Variants in GGT1 observed in about 807,000 individuals in gnomAD.
The protein encoded by GGT1 is gamma-glutamyltransferase 1.
Under a neutral mutation model 56.0 loss-of-function variants are expected in GGT1, and 21 were observed. That is an observed-to-expected ratio of 0.38 (90% CI 0.27 to 0.54). The LOEUF (loss-of-function observed/expected upper bound fraction) is 0.54, where lower values mean the gene tolerates loss of function less well. Among genes scored for constraint, GGT1 ranks in the 20% least tolerant of loss-of-function variants. The pLI, the probability that GGT1 is intolerant of heterozygous loss-of-function variation, is 0.82. For synonymous variants in GGT1, 238 were observed against 342.6 expected (o/e 0.69, Z 3.37); for missense variants, 466 against 787.0 (o/e 0.59, Z 4.88).
intron 7 of GGT1, among the ~76,000 whole-genome samples, chr22:24,616,781 G>A (rs1364412562): frequency 1.3e-5 from 2 of 151,796 alleles, no homozygotes; most frequent in Admixed American, 6.6e-5. Context: ...TCCTGACCTC[G>A]TGATCCCCCG....
At chr22:24,611,775 G>T (rs1312688340) in intron 5 of GGT1, among the ~76,000 whole-genome samples, 2 of 89,002 alleles carry the variant, frequency 2.2e-5, no homozygotes, top group South Asian at 3.7e-4. Context: ...CAACAAATTT[G>T]TGTGTGTGTG....
At chr22:24,594,943 C>T (rs2045668304) in intron 1 of GGT1, 1 of 152,328 alleles carries the variant, frequency 6.6e-6, no homozygotes, top group South Asian at 2.1e-4. Context: ...GCTGGGAGGG[C>T]TCCCAGATCC....
At chr22:24,592,425 T>G (rs920900334), upstream of GGT1, 2 of 470,472 alleles carry the variant, frequency 4.3e-6, no homozygotes, top group South Asian at 3.1e-5. Context: ...TCCCGGATCC[T>G]GGAGGAGGGG....
chr22:24,624,557 C>T (rs1236798690), intron 11 of GGT1: 1 of 975,058 alleles, frequency 1.0e-6, no homozygotes, highest in Non-Finnish European at 1.2e-6. Flanking sequence ...GCATTCTGCA[C>T]CTCTGACTCC....
upstream of GGT1, among the ~76,000 whole-genome samples, chr22:24,601,342 G>C (rs2017869): frequency 0.52 from 76,050 of 145,394 alleles, 21,863 homozygotes; most frequent in African/African-American, 0.8. Context: ...CTGGGTGATT[G>C]CTGGTATTCA....
Position 24,620,494 on chromosome 22 carries a change from C to T in GGT1, c.549C>T (p.Thr183=), listed in dbSNP as rs760590098. 41 of 1,611,878 alleles carry T rather than the reference C, an allele frequency of 2.5e-5. No homozygotes were observed. Among genetic ancestry groups the T allele is most frequent in the South Asian group, 7.7e-5 (7 of 90,984 alleles). Residue 183 remains threonine, a synonymous_variant, in exon 8 of 16, where the codon ACC becomes ACT. Transcript: ENST00000400382. This position sits in a 1 kb window ranked among gnomAD's most constrained non-coding sequence, Gnocchi z 5.6. The part of the protein sequence containing the change: ...GLAAALENKR[T]VIEQQPVLCE... ...CGGCAGCCCTGGAAAACAAGCGGAC[C>T]GTCATCGAGCAGCAGCCTGTCTTGT...
At chr22:24,623,316 G>A (rs2147486224) in intron 10 of GGT1, 60 bp downstream of exon 10, 20 of 1,433,264 alleles carry the variant, frequency 1.4e-5, no homozygotes, top group African/African-American at 2.9e-5. Context: ...CTCTCCCCAC[G>A]CCCCACCCCT....
upstream of GGT1, chr22:24,592,246 G>A (rs548578288): frequency 2.1e-4 from 98 of 460,948 alleles, 2 homozygotes; most frequent in South Asian, 1.5e-3. Context: ...AGCCACCACC[G>A]GACCGAGTGT....
chr22:24,605,509 A>G (rs1479054909), intron 1 of GGT1, among the ~76,000 whole-genome samples: 1 of 72,266 alleles, frequency 1.4e-5, no homozygotes, highest in Non-Finnish European at 2.2e-5. Context: ...ATATTATATA[A>G]TGTGTATTAT....
At position 24,621,614 on chromosome 22, in the gene GGT1, C is replaced by T. The variant is rs182301920; in HGVS notation, c.733+544C>T. Among the ~76,000 whole-genome samples the T allele has an allele frequency of 6.3e-4, 96 of 151,978 alleles. No individual in the cohort carries two copies. In the South Asian group the frequency reaches 0.019, roughly 31 times the overall value. On this transcript the variant is annotated intron_variant, in intron 9 of 15. Transcript: ENST00000400382. ...GGGTGATTAGCGTGTCGACCTTTAC[C>T]ACTGAGGCTGGAAATTGGCATGCCA...
chr22:24,614,973 C>A, intron 6 of GGT1, 67 bp downstream of exon 6: 2 of 1,105,012 alleles, frequency 1.8e-6, no homozygotes, highest in Admixed American at 3.9e-5. Flanking sequence ...CACAGCTGGG[C>A]GGTCCCCAGG....
At chr22:24,592,895 G>A (rs1362022895), upstream of GGT1, 6 of 1,280,460 alleles carry the variant, frequency 4.7e-6, no homozygotes, top group Admixed American at 4.1e-5. Flanking sequence ...TGCCGGGCGC[G>A]CTCCGGCCGC....
rs4049813 is a variant in GGT1 at position 24,628,824 on chromosome 22, G to A, written c.1695G>A (p.Glu565=). 3.1e-6 allele frequency: 5 copies of A among 1,602,890 alleles called. 1 individual carries two copies. The South Asian group carries it at 5.5e-5, about 18-fold the overall frequency. Residue 565 remains glutamate (E), a synonymous_variant, in exon 16 of 16, where the codon GAG becomes GAA. Transcript: ENST00000400382. This position sits in a 1 kb window ranked among gnomAD's most constrained non-coding sequence, Gnocchi z 5.7. ...CCTCGGACTCCAGGAAAGGCGGGGAGCCTGCCGGCTACTGAGTGCTCCAGG... is the reference window on the plus strand; with the variant it reads ...CCTCGGACTCCAGGAAAGGCGGGGAACCTGCCGGCTACTGAGTGCTCCAGG... ...AAASDSRKGG[E]PAGY
rs1259125092 is a variant in GGT1 at position 24,628,357 on chromosome 22, A to G, written c.1532A>G (p.Asn511Ser). 1.2e-6 allele frequency: 2 copies of G among 1,611,416 alleles called. No individual in the cohort carries two copies. Among genetic ancestry groups the G allele is most frequent in the East Asian group, 2.2e-5 (1 of 44,866 alleles). The change falls in exon 15 of 16, where the codon AAC (asparagine) becomes AGC (serine). Residue 511 changes from asparagine to serine, a missense_variant. Around this residue, in one of 2 missense-constraint regions of GGT1, gnomAD observed 456 missense variants for 716.7 expected, o/e 0.64. Transcript: ENST00000400382. The surrounding 1 kb of genome is among the most constrained non-coding windows in gnomAD (Gnocchi z 5.7). ...EPRLHNQLLP[N>S]VTTVERNIDQ... ...CGGCTGCACAACCAGCTTCTGCCCA[A>G]CGTCACGACAGTGGAGAGAAACATT...
At chr22:24,610,913 G>A (rs369977756) in intron 4 of GGT1, among the ~76,000 whole-genome samples, 162 bp from the exon 5 acceptor site, 126 of 146,282 alleles carry the variant, frequency 8.6e-4, no homozygotes, top group Middle Eastern at 3.5e-3. Context: ...CATGGCCTGC[G>A]CAAAGGTCTG....
chr22:24,611,009 T>A, intron 4 of GGT1, 66 bp from the exon 5 acceptor site: 2 of 1,459,422 alleles, frequency 1.4e-6, no homozygotes, highest in Non-Finnish European at 1.9e-6. Flanking sequence ...GACTGTGCCC[T>A]GTTGGGGAGG....
At chr22:24,606,429 G>A (rs2330814) in intron 1 of GGT1, among the ~76,000 whole-genome samples, 1 of 152,114 alleles carries the variant, frequency 6.6e-6, no homozygotes, top group Non-Finnish European at 1.5e-5. Context: ...TGAGCAGGCC[G>A]GGGCAGGGGA....
rs574767524 is a variant in GGT1 at position 24,626,761 on chromosome 22, C to T, written c.1021-671C>T. ...AAAACACTCCCCAGCCTGCTCATTCCTCTGCCCTAAGCCTGCATGGCACAG... is the reference window on the plus strand; with the variant it reads ...AAAACACTCCCCAGCCTGCTCATTCTTCTGCCCTAAGCCTGCATGGCACAG... On this transcript the variant is annotated intron_variant, in intron 11 of 15. Coordinates refer to ENST00000400382, the MANE Select transcript of GGT1 (RefSeq NM_001288833.2). Among the ~76,000 whole-genome samples, 256 of 149,992 alleles carry T rather than the reference C, an allele frequency of 1.7e-3. 4 individuals carry two copies. Among genetic ancestry groups the T allele is most frequent in the Middle Eastern group, 0.01 (3 of 292 alleles).
At chr22:24,611,572 A>G (rs1569055032) in intron 5 of GGT1, among the ~76,000 whole-genome samples, 1 of 151,232 alleles carries the variant, frequency 6.6e-6, no homozygotes, top group East Asian at 1.9e-4. Flanking sequence ...CTATCTATCT[A>G]TCTATCTATC....
Sources: allele counts gnomAD v4.1 joint callset (sites outside exome capture counted in the v4.1 genomes callset), GRCh38; gene constraint gnomAD v4.1.1; regional missense constraint gnomAD v4.1.1; non-coding constraint Gnocchi (gnomAD v3.1); transcripts MANE v1.5; gene names NCBI Gene and HGNC (gene_info 2026-07-23, HGNC 2026-07-21).